LUZP2: variants seen among roughly 807,000 people sequenced by gnomAD.
LUZP2 encodes leucine zipper protein 2.
A neutral mutation model predicts 51.6 loss-of-function variants in LUZP2; 52 were observed. That is an observed-to-expected ratio of 1.01 (90% CI 0.81 to 1.27). The LOEUF (loss-of-function observed/expected upper bound fraction) is 1.27, where lower values mean the gene tolerates loss of function less well. Among genes scored for constraint, LUZP2 ranks in the 50% most tolerant of loss-of-function variants. LUZP2 has a pLI of 0.00. For synonymous variants in LUZP2, 154 were observed against 137.3 expected, an observed-to-expected ratio of 1.12 and a Z score of -0.85; for missense variants, 436 against 395.4, an observed-to-expected ratio of 1.10 and a Z score of -0.87.
intron 6 of LUZP2, among the ~76,000 whole-genome samples, chr11:24,907,565 T>C (rs1590715487): frequency 6.6e-6 from 1 of 152,134 alleles, no homozygotes; most frequent in Non-Finnish European, 1.5e-5. Flanking sequence ...TTGGAAATAG[T>C]ATAAATGTGG....
intron 1 of LUZP2, among the ~76,000 whole-genome samples, chr11:24,665,545 T>C (rs1459031696): frequency 6.6e-6 from 1 of 152,138 alleles, no homozygotes; most frequent in Non-Finnish European, 1.5e-5. Flanking sequence ...TCATCTTGAA[T>C]TGTAGTTCTC....
chr11:24,887,890 C>A (rs1852723702), intron 5 of LUZP2, among the ~76,000 whole-genome samples: 1 of 152,092 alleles, frequency 6.6e-6, no homozygotes, highest in Admixed American at 6.6e-5. Flanking sequence ...AGATGCTTTC[C>A]ACTGTGAGAT....
At chr11:24,869,761 A>G (rs1852002202) in intron 5 of LUZP2, among the ~76,000 whole-genome samples, 1 of 152,156 alleles carries the variant, frequency 6.6e-6, no homozygotes, top group African/African-American at 2.4e-5. Flanking sequence ...CCCTCTCATC[A>G]GGGGTCCCTA....
At chr11:24,792,148 G>A (rs530509004) in intron 5 of LUZP2, among the ~76,000 whole-genome samples, 2 of 151,994 alleles carry the variant, frequency 1.3e-5, no homozygotes, top group Admixed American at 6.6e-5. Context: ...TAACTTTATG[G>A]CCAGGCACGG....
At chr11:24,865,129 T>C (rs141443004) in intron 5 of LUZP2, among the ~76,000 whole-genome samples, 41 of 152,268 alleles carry the variant, frequency 2.7e-4, no homozygotes, top group East Asian at 2.5e-3. Flanking sequence ...AAAAGTCAAT[T>C]TTCAGAGTCA....
At chr11:24,862,719 G>A (rs1459637817) in intron 5 of LUZP2, among the ~76,000 whole-genome samples, 5 of 151,916 alleles carry the variant, frequency 3.3e-5, no homozygotes, top group African/African-American at 1.2e-4. Context: ...AAAATAAACT[G>A]GACTTCATCA....
intron 8 of LUZP2, 41 bp downstream of exon 8, chr11:24,976,706 C>CAA (rs57265111): frequency 8.4e-5 from 28 of 334,284 alleles, no homozygotes; most frequent in African/African-American, 4.5e-4. Flanking sequence ...GTAGTTTTAG[C>CAA]AAAAAAAAAA....
intron 1 of LUZP2, among the ~76,000 whole-genome samples, chr11:24,586,998 CAAAT>C (rs1337197094): frequency 6.6e-6 from 1 of 152,052 alleles, no homozygotes; most frequent in Non-Finnish European, 1.5e-5. Context: ...TTAACTGTCT[CAAAT>C]AATTTTTTTA....
intron 5 of LUZP2, among the ~76,000 whole-genome samples, chr11:24,778,318 G>A (rs557313720): frequency 1.2e-4 from 19 of 152,202 alleles, no homozygotes; most frequent in African/African-American, 4.6e-4. Context: ...CAGAGGCTGA[G>A]GTGAAGGGAT....
intron 7 of LUZP2, among the ~76,000 whole-genome samples, chr11:24,932,794 G>A (rs1362234425): frequency 1.3e-5 from 2 of 152,144 alleles, no homozygotes; most frequent in Admixed American, 1.3e-4. Context: ...TCTGTGTAGT[G>A]GCTGCACCTT....
chr11:25,004,470 C>T (rs1856779540), intron 9 of LUZP2, among the ~76,000 whole-genome samples: 1 of 152,064 alleles, frequency 6.6e-6, no homozygotes, highest in African/African-American at 2.4e-5. Flanking sequence ...CTGTGGTTGC[C>T]AGGTTTAATA....
At position 24,914,494 on chromosome 11, in the gene LUZP2, C is replaced by T; in HGVS notation, c.478C>T (p.Gln160Ter). ...CTTACAGTCAAAAAAAATCCAAGCC[C>T]AGCTGAAGGAGCTTCGTTATGGGAA... ...HAEESKKIQA[Q>*]LKELRYGKKD... The change falls in exon 7 of 12, where the codon CAG (glutamine) becomes TAG (stop). Residue 160 changes from glutamine to a stop codon, truncating the protein, a stop_gained. Transcript: ENST00000336930. LOFTEE classifies it high-confidence loss of function. 1 of 1,609,274 alleles carries T rather than the reference C, an allele frequency of 6.2e-7. No individual in the cohort carries two copies. Among genetic ancestry groups the T allele is most frequent in the Non-Finnish European group, 8.5e-7 (1 of 1,178,448 alleles).
chr11:24,665,402 G>A (rs1856180251), intron 1 of LUZP2, among the ~76,000 whole-genome samples: 1 of 152,156 alleles, frequency 6.6e-6, no homozygotes, highest in South Asian at 2.1e-4. Flanking sequence ...GGACTTTTGA[G>A]TTAATGCTGG....
At chr11:24,654,969 A>G (rs1042460672) in intron 1 of LUZP2, among the ~76,000 whole-genome samples, 29 of 152,160 alleles carry the variant, frequency 1.9e-4, no homozygotes, top group Non-Finnish European at 2.6e-4. Flanking sequence ...AGTTCCTATA[A>G]TAAACATAAA....
At chr11:24,914,829 G>T (rs1476380975) in intron 7 of LUZP2, among the ~76,000 whole-genome samples, 1 of 152,138 alleles carries the variant, frequency 6.6e-6, no homozygotes, top group African/African-American at 2.4e-5. Flanking sequence ...TAAGCTGAGA[G>T]ACTTACGCAA....
At chr11:25,051,381 A>G (rs1858507975) in intron 10 of LUZP2, among the ~76,000 whole-genome samples, 1 of 152,238 alleles carries the variant, frequency 6.6e-6, no homozygotes. Context: ...GTTTATTTAA[A>G]CATGTATCCA....
At chr11:25,066,671 G>A (rs949110720) in intron 10 of LUZP2, among the ~76,000 whole-genome samples, 2 of 151,830 alleles carry the variant, frequency 1.3e-5, no homozygotes, top group Non-Finnish European at 2.9e-5. Flanking sequence ...CAGTGAGTTA[G>A]CATGATAAAA....
chr11:24,698,421 A>T (rs1451220703), intron 1 of LUZP2, among the ~76,000 whole-genome samples: 2 of 152,192 alleles, frequency 1.3e-5, no homozygotes, highest in Non-Finnish European at 2.9e-5. Flanking sequence ...TTTGGTAGCC[A>T]TTGATATTAT....
chr11:24,689,740 A>AT (rs1857010632), intron 1 of LUZP2, among the ~76,000 whole-genome samples: 1 of 152,076 alleles, frequency 6.6e-6, no homozygotes, highest in African/African-American at 2.4e-5. Flanking sequence ...GATATACATT[A>AT]TTTTATCTTT....
Sources: gnomAD v4.1 joint callset for allele counts (sites outside exome capture counted in the v4.1 genomes callset) on GRCh38, gnomAD v4.1.1 for gene constraint, MANE v1.5 for transcripts, NCBI Gene and HGNC (gene_info 2026-07-23, HGNC 2026-07-21) for gene names.